The following THSD7B variants were observed in gnomAD, a reference collection of about 807,000 sequenced individuals.
THSD7B encodes thrombospondin type 1 domain containing 7B.
Under a neutral mutation model 213.6 loss-of-function variants are expected in THSD7B, and 138 were observed. The ratio of observed to expected loss-of-function variants is 0.65; its 90% CI spans 0.56 to 0.74. THSD7B has a LOEUF of 0.74. Ranked by LOEUF, THSD7B falls within the 30% of genes least tolerant of loss-of-function variation. The pLI, the probability that THSD7B is intolerant of heterozygous loss-of-function variation, is 0.00. For synonymous variants in THSD7B, 742 were observed against 687.0 expected, an observed-to-expected ratio of 1.08 and a Z score of -1.25; for missense variants, 1,931 against 1,991.5, an observed-to-expected ratio of 0.97 and a Z score of 0.58.
chr2:137,486,850 C>T (rs200882019), intron 15 of THSD7B, among the ~76,000 whole-genome samples: 1,533 of 152,170 alleles, frequency 0.01, 12 homozygotes, highest in Non-Finnish European at 0.012. Flanking sequence ...CACTCAAAAC[C>T]GCTCAACTAC....
chr2:136,917,393 G>A (rs535153097), intron 2 of THSD7B, among the ~76,000 whole-genome samples: 5 of 152,264 alleles, frequency 3.3e-5, no homozygotes, highest in East Asian at 1.9e-4. Flanking sequence ...GGGGCTGATC[G>A]TTGCATGGTT....
chr2:137,278,024 G>A (rs1046577156), intron 12 of THSD7B, among the ~76,000 whole-genome samples: 3 of 152,068 alleles, frequency 2.0e-5, no homozygotes, highest in African/African-American at 7.2e-5. Context: ...AATAAGCAGA[G>A]GTGGGTGGAG....
At chr2:137,617,370 A>G (rs1682426124) in intron 18 of THSD7B, among the ~76,000 whole-genome samples, 1 of 152,214 alleles carries the variant, frequency 6.6e-6, no homozygotes, top group Admixed American at 6.5e-5. Context: ...TTCTACTGAC[A>G]CCAAAAATAA....
At chr2:137,523,788 C>T (rs1680229429) in intron 15 of THSD7B, among the ~76,000 whole-genome samples, 1 of 152,114 alleles carries the variant, frequency 6.6e-6, no homozygotes, top group Non-Finnish European at 1.5e-5. Flanking sequence ...CTCTGGGGCA[C>T]ACTCTTTTTT....
At chr2:137,416,815 G>A (rs1686809504) in intron 14 of THSD7B, among the ~76,000 whole-genome samples, 1 of 152,192 alleles carries the variant, frequency 6.6e-6, no homozygotes, top group Admixed American at 6.5e-5. Context: ...TGCCCTCGAT[G>A]TATAGTTTGG....
intron 27 of THSD7B, among the ~76,000 whole-genome samples, chr2:137,672,962 G>GGAA (rs1442051635): frequency 1.3e-5 from 2 of 152,168 alleles, no homozygotes; most frequent in African/African-American, 4.8e-5. Context: ...TGTAGCACCT[G>GGAA]GAAGTTACAC....
At chr2:137,526,164 C>T (rs577070298) in intron 15 of THSD7B, among the ~76,000 whole-genome samples, 15 of 152,086 alleles carry the variant, frequency 9.9e-5, no homozygotes, top group African/African-American at 3.4e-4. Context: ...TCTACCTGGC[C>T]GATTTCAATA....
At chr2:137,654,429 T>C (rs1423877771) in intron 21 of THSD7B, among the ~76,000 whole-genome samples, 1 of 152,180 alleles carries the variant, frequency 6.6e-6, no homozygotes, top group Non-Finnish European at 1.5e-5. Flanking sequence ...CTTAGGGATG[T>C]TTCTTTCTTC....
chr2:137,276,101 T>G (rs1476682711), intron 12 of THSD7B, 75 bp downstream of exon 12: 5 of 1,024,398 alleles, frequency 4.9e-6, no homozygotes, highest in Non-Finnish European at 7.1e-6. Context: ...TGTTGCTTAC[T>G]TTTATATTTG....
intron 12 of THSD7B, among the ~76,000 whole-genome samples, chr2:137,277,371 C>G (rs1682899094): frequency 6.6e-6 from 1 of 152,066 alleles, no homozygotes; most frequent in African/African-American, 2.4e-5. Flanking sequence ...AATGAACTTT[C>G]TCTAAATTTG....
chr2:137,030,378 A>G (rs1686642778), intron 2 of THSD7B, among the ~76,000 whole-genome samples: 1 of 152,202 alleles, frequency 6.6e-6, no homozygotes, highest in Admixed American at 6.5e-5. Flanking sequence ...ACATATTAGT[A>G]AGAAGTAAGA....
chr2:137,502,492 C>A (rs1431598679), intron 15 of THSD7B, among the ~76,000 whole-genome samples: 1 of 152,064 alleles, frequency 6.6e-6, no homozygotes, highest in African/African-American at 2.4e-5. Context: ...TTAATAAAAT[C>A]TCAAGGGTGA....
At chr2:137,529,517 A>G (rs1383285085) in intron 15 of THSD7B, among the ~76,000 whole-genome samples, 1 of 151,962 alleles carries the variant, frequency 6.6e-6, no homozygotes, top group Non-Finnish European at 1.5e-5. Flanking sequence ...GAATAAGCAA[A>G]CATTAGAGTT....
intron 12 of THSD7B, among the ~76,000 whole-genome samples, chr2:137,293,385 G>A (rs1454398864): frequency 6.6e-6 from 1 of 152,006 alleles, no homozygotes; most frequent in Non-Finnish European, 1.5e-5. Context: ...TGATTTATCT[G>A]CCTTGGCCTC....
chr2:137,051,833 T>G (rs1237485582), intron 2 of THSD7B, among the ~76,000 whole-genome samples: 4 of 152,204 alleles, frequency 2.6e-5, no homozygotes, highest in African/African-American at 9.6e-5. Context: ...CTTTGTCCTC[T>G]GGAGCCTCCT....
chr2:137,239,134 AC>A (rs1681843740), intron 9 of THSD7B, among the ~76,000 whole-genome samples: 1 of 152,078 alleles, frequency 6.6e-6, no homozygotes, highest in Non-Finnish European at 1.5e-5. Context: ...CCTTAACACA[AC>A]CACTTTTTTT....
chr2:137,207,742 C>A (rs1477589667), intron 7 of THSD7B, among the ~76,000 whole-genome samples: 1 of 152,034 alleles, frequency 6.6e-6, no homozygotes, highest in Non-Finnish European at 1.5e-5. Context: ...ATACTTCTCT[C>A]CTGAGTTTGG....
rs186206230 is a variant in THSD7B, at chr2:137,082,039, T to A, written c.951-12834T>A. On this transcript the variant is annotated intron_variant, in intron 3 of 27. Transcript: ENST00000409968. ...TATATGATTATCCATGACTGCCACT[T>A]CCAGTCTCTTACATTTTGAAGTCTG... is the stretch of plus-strand genomic sequence containing the variant. Among the ~76,000 whole-genome samples the A allele has an allele frequency of 5.9e-4, 90 of 152,262 alleles. 2 individuals are homozygous for A. The East Asian group carries it at 0.016, about 26-fold the overall frequency.
chr2:137,254,651 A>C (rs1381124868), intron 10 of THSD7B, among the ~76,000 whole-genome samples: 4 of 152,238 alleles, frequency 2.6e-5, no homozygotes, highest in African/African-American at 4.8e-5. Context: ...CTGAAACTAT[A>C]TGCTCATGTG....
Sources: gnomAD v4.1 joint callset for allele counts (sites outside exome capture counted in the v4.1 genomes callset) on GRCh38, gnomAD v4.1.1 for gene constraint, MANE v1.5 for transcripts, NCBI Gene and HGNC (gene_info 2026-07-23, HGNC 2026-07-21) for gene names.